Variants in PRKDC observed in about 807,000 individuals in gnomAD.
The protein encoded by PRKDC is DNA-dependent protein kinase catalytic subunit.
A neutral mutation model predicts 486.9 loss-of-function variants in PRKDC; 82 were observed. The ratio of observed to expected loss-of-function variants is 0.17; its 90% CI spans 0.14 to 0.20. The LOEUF is 0.20. Ranked by LOEUF, PRKDC falls within the 10% of genes least tolerant of loss-of-function variation. PRKDC has a pLI of 1.00. For synonymous variants in PRKDC, 1,895 were observed against 1,837.0 expected, an observed-to-expected ratio of 1.03 and a Z score of -0.81; for missense variants, 4,504 against 5,038.2, an observed-to-expected ratio of 0.89 and a Z score of 3.21.
intron 10 of PRKDC, among the ~76,000 whole-genome samples, chr8:47,942,084 C>G (rs1362417465): frequency 6.6e-6 from 1 of 152,246 alleles, no homozygotes; most frequent in African/African-American, 2.4e-5. Context: ...GATGATCCCT[C>G]TGCACACATT....
chr8:47,773,884 T>A lies in PRKDC; in HGVS notation c.*289A>T. 3.4e-6 allele frequency: 1 copy of A among 291,990 alleles called. No individual in the cohort carries two copies. Among genetic ancestry groups the A allele is most frequent in the Admixed American group, 4.9e-5 (1 of 20,524 alleles). The allele number at this position is 291,990 out of a possible 1,614,324, so 18.1% of individuals were successfully genotyped here. A position where few individuals can be genotyped will look rare whatever the true frequency, so the allele number is the denominator to read the frequency against. On this transcript the variant is annotated 3_prime_UTR_variant, in exon 86 of 86. Transcript: ENST00000314191. ...TAACTTGCAGCACTTGTAAATGCTT[T>A]GAAAGCTGATCACATATTATATTCT...
chr8:47,803,235 G>A, intron 70 of PRKDC, 71 bp downstream of exon 70: 1 of 1,422,900 alleles, frequency 7.0e-7, no homozygotes, highest in South Asian at 1.5e-5. Context: ...GCAGCACAAA[G>A]AAGAGGAAGA....
chr8:47,848,073 G>A (rs1344057881), intron 54 of PRKDC, among the ~76,000 whole-genome samples: 1 of 152,198 alleles, frequency 6.6e-6, no homozygotes, highest in African/African-American at 2.4e-5. Context: ...GTGGAAAGCA[G>A]TTTGGAGACT....
chr8:47,835,241 T>G (rs1017515657), intron 58 of PRKDC, among the ~76,000 whole-genome samples: 1 of 152,184 alleles, frequency 6.6e-6, no homozygotes, highest in Non-Finnish European at 1.5e-5. Flanking sequence ...CTACTCTGCT[T>G]TGGTGATAAG....
intron 27 of PRKDC, among the ~76,000 whole-genome samples, chr8:47,901,438 C>A (rs1352491643): frequency 6.6e-6 from 1 of 152,088 alleles, no homozygotes; most frequent in Non-Finnish European, 1.5e-5. Context: ...CGCACCACTG[C>A]ACTCCAGCCT....
At chr8:47,903,222 A>G (rs916362705) in intron 26 of PRKDC, among the ~76,000 whole-genome samples, 6 of 152,228 alleles carry the variant, frequency 3.9e-5, no homozygotes, top group African/African-American at 1.4e-4. Context: ...GAAGTTCCAA[A>G]GAAACTGTAC....
chr8:47,829,416 C>G (rs962789848), intron 61 of PRKDC, among the ~76,000 whole-genome samples: 1 of 151,866 alleles, frequency 6.6e-6, no homozygotes, highest in Non-Finnish European at 1.5e-5. Flanking sequence ...TTACTATAGC[C>G]AAAAATTAAA....
intron 77 of PRKDC, among the ~76,000 whole-genome samples, chr8:47,784,749 C>A (rs2086762366): frequency 6.6e-6 from 1 of 151,280 alleles, no homozygotes; most frequent in Non-Finnish European, 1.5e-5. Context: ...GAACTGTGTA[C>A]ACATCCCAGG....
chr8:47,842,202 A>G (rs1439602893), intron 54 of PRKDC, among the ~76,000 whole-genome samples: 1 of 152,042 alleles, frequency 6.6e-6, no homozygotes, highest in Non-Finnish European at 1.5e-5. Flanking sequence ...GTATGGTGCC[A>G]GTGATTGGAA....
At position 47,935,026 on chromosome 8, in the gene PRKDC, G is replaced by C. The variant is rs771708028; in HGVS notation, c.1480C>G (p.Pro494Ala). Reference protein sequence around the residue: ...HQGLIRICSKPVVLPKGPESE... With the variant: ...HQGLIRICSKAVVLPKGPESE... The stretch of plus-strand genomic sequence containing the variant: ...GAATTTACCTTTGGAAGGACCACTG[G>C]TTTAGAACATATTCTGATTAAACCC... Residue 494 changes from proline to alanine, a missense_variant, in exon 14 of 86, where the codon CCA (proline) becomes GCA (alanine). By Grantham distance (27) the Pro-to-Ala change is conservative. Around this residue, in one of 6 missense-constraint regions of PRKDC, gnomAD observed 1,969 missense variants for 2,068.9 expected, o/e 0.95. Transcript: ENST00000314191. 3.3e-5 allele frequency: 51 copies of C among 1,523,676 alleles called. No individual in the cohort carries two copies. Among genetic ancestry groups the C allele is most frequent in the South Asian group, 2.1e-4 (17 of 80,474 alleles). The allele number at this position is 1,523,676 out of a possible 1,614,324, so 94.4% of individuals were successfully genotyped here. A position where few individuals can be genotyped will look rare whatever the true frequency, so the allele number is the denominator to read the frequency against.
intron 4 of PRKDC, 138 bp downstream of exon 4, chr8:47,955,736 T>C (rs1422108669): frequency 1.6e-6 from 1 of 621,770 alleles, no homozygotes; most frequent in Non-Finnish European, 2.7e-6. Context: ...TTGGAGAATG[T>C]GCATCTTACC....
intron 19 of PRKDC, 150 bp downstream of exon 19, chr8:47,928,942 G>A (rs1178367088): frequency 2.1e-5 from 13 of 619,396 alleles, no homozygotes; most frequent in East Asian, 1.5e-4. Context: ...CTCCCACCTC[G>A]GCCTCCCAAA....
chr8:47,817,666 AC>A, intron 67 of PRKDC, 105 bp from the exon 68 acceptor site: 1 of 665,928 alleles, frequency 1.5e-6, no homozygotes, highest in Non-Finnish European at 2.5e-6. Flanking sequence ...TGCCCAAATT[AC>A]AAAAAAGTCC....
At chr8:47,783,348 C>T (rs1438002124) in intron 78 of PRKDC, among the ~76,000 whole-genome samples, 4 of 149,710 alleles carry the variant, frequency 2.7e-5, no homozygotes, top group Non-Finnish European at 4.4e-5. Context: ...CAGCACTTTG[C>T]GGAGGCGGAG....
In PRKDC at chr8:47,774,370, G is replaced by A; in HGVS notation, c.12190C>T (p.Leu4064=). Reference sequence around the variant, plus strand: ...GGGGCCTTCTCATGACCCAGGAGTAGCTCATCACTGGAAAAAAAACAAACA... The same window carrying A: ...GGGGCCTTCTCATGACCCAGGAGTAACTCATCACTGGAAAAAAAACAAACA... ...ANPAVITCDE[L]LLGHEKAPAF... is the part of the protein sequence containing the mutation. The change falls in exon 86 of 86, where the codon CTA becomes TTA. Residue 4064 remains leucine, a synonymous_variant. Transcript: ENST00000314191. The A allele has an allele frequency of 6.2e-7, 1 of 1,612,142 alleles. No homozygotes were observed. Among genetic ancestry groups the A allele is most frequent in the Non-Finnish European group, 8.5e-7 (1 of 1,179,524 alleles).
At chr8:47,933,612 G>A (rs533184562) in intron 15 of PRKDC, among the ~76,000 whole-genome samples, 79 of 152,142 alleles carry the variant, frequency 5.2e-4, no homozygotes, top group Admixed American at 1.0e-3. Context: ...ATATATAAAC[G>A]TACACATACA....
chr8:47,956,318 T>C (rs1047119637), intron 3 of PRKDC, among the ~76,000 whole-genome samples: 5 of 151,978 alleles, frequency 3.3e-5, no homozygotes, highest in Non-Finnish European at 5.9e-5. Context: ...GCCAAGACTG[T>C]GCCACTGCAC....
At chr8:47,802,911 C>G (rs1202864011) in intron 70 of PRKDC, among the ~76,000 whole-genome samples, 1 of 152,166 alleles carries the variant, frequency 6.6e-6, no homozygotes, top group East Asian at 1.9e-4. Flanking sequence ...CCTCAGCCTC[C>G]CAAAGTGCTG....
At position 47,893,302 on chromosome 8, in the gene PRKDC, G is replaced by A. The variant is rs1247426355; in HGVS notation, c.3684C>T (p.Gly1228=). The change falls in exon 31 of 86, where the codon GGC becomes GGT. Residue 1228 remains glycine (G), a synonymous_variant. Coordinates refer to ENST00000314191, the MANE Select transcript of PRKDC (RefSeq NM_006904.7). ...SFLINTFEGG[G]CGQPSGILAQ... is the part of the protein sequence containing the mutation. ...CCAGGATGCCCGAGGGCTGGCCACA[G>A]CCACCCCCCTCAAAGGTGTTGATGA... The A allele has an allele frequency of 6.2e-7, 1 of 1,608,520 alleles. No homozygotes were observed. The highest frequency in any genetic ancestry group is 2.2e-5 in the East Asian group (1 of 44,702).
Sources: gnomAD v4.1 joint callset for allele counts (sites outside exome capture counted in the v4.1 genomes callset) on GRCh38, gnomAD v4.1.1 for gene constraint, gnomAD v4.1.1 regional missense constraint, MANE v1.5 for transcripts, NCBI Gene and HGNC (gene_info 2026-07-23, HGNC 2026-07-21) for gene names.